The following ATIC variants were observed in gnomAD, a reference collection of about 807,000 sequenced individuals.
ATIC encodes the protein bifunctional purine biosynthesis protein ATIC.
In ATIC, 64 loss-of-function variants were observed where a neutral mutation model predicts 72.5. The ratio of observed to expected loss-of-function variants is 0.88; its 90% CI spans 0.72 to 1.09. ATIC has a LOEUF of 1.09. Among genes scored for constraint, ATIC ranks in the 50% least tolerant of loss-of-function variants. The probability of loss-of-function intolerance (pLI) is 0.00; values close to 1 mark genes in which losing one functional copy is unlikely to be tolerated. For synonymous variants in ATIC, 281 were observed against 267.1 expected (o/e 1.05, Z -0.51); for missense variants, 787 against 732.4 (o/e 1.07, Z -0.86).
At chr2:215,334,710 GT>G (rs2052936302) in intron 9 of ATIC, among the ~76,000 whole-genome samples, 1 of 152,122 alleles carries the variant, frequency 6.6e-6, no homozygotes. Flanking sequence ...CACAGAAAAA[GT>G]TTTCTGAGTG....
chr2:215,319,217 C>A (rs1157290150), intron 3 of ATIC, among the ~76,000 whole-genome samples: 3 of 152,120 alleles, frequency 2.0e-5, no homozygotes, highest in African/African-American at 7.2e-5. Flanking sequence ...TGTTTGATAA[C>A]TCCCCAACTA....
At chr2:215,333,036 A>G (rs1050171167) in intron 8 of ATIC, among the ~76,000 whole-genome samples, 6 of 152,118 alleles carry the variant, frequency 3.9e-5, no homozygotes, top group Non-Finnish European at 8.8e-5. Context: ...TGTGATATCA[A>G]AGTGATATCA....
In ATIC at chr2:215,315,184, G is replaced by T. The variant is rs569123819; in HGVS notation, c.146+2560G>T. The stretch of plus-strand genomic sequence containing the variant: ...CAAGGAGATGAGAGGATTTCTTTAC[G>T]TCCAGCTCCTAGACAGAAAGCCAGT... On this transcript the variant is annotated intron_variant, in intron 2 of 15. Coordinates refer to ENST00000236959, the MANE Select transcript of ATIC (RefSeq NM_004044.7). Among the ~76,000 whole-genome samples, 8 of 152,210 alleles carry T rather than the reference G, an allele frequency of 5.3e-5. No individual in the cohort carries two copies. The South Asian group carries it at 1.7e-3, about 32-fold the overall frequency.
intron 13 of ATIC, 72 bp from the exon 14 acceptor site, chr2:215,346,687 G>C: frequency 6.6e-7 from 1 of 1,525,978 alleles, no homozygotes; most frequent in Non-Finnish European, 9.1e-7. Flanking sequence ...TTTGGAGAAT[G>C]TGCACAAAAG....
At chr2:215,331,373 T>G (rs2052891958) in intron 7 of ATIC, among the ~76,000 whole-genome samples, 1 of 128,492 alleles carries the variant, frequency 7.8e-6, no homozygotes. Flanking sequence ...CACATTTTTG[T>G]TTTTTGGGTT....
At chr2:215,329,212 G>A (rs1437356341) in intron 7 of ATIC, among the ~76,000 whole-genome samples, 2 of 152,082 alleles carry the variant, frequency 1.3e-5, no homozygotes, top group Non-Finnish European at 2.9e-5. Context: ...CCTATTTCCT[G>A]CTTATAGTTT....
intron 13 of ATIC, chr2:215,345,523 A>C: frequency 6.4e-6 from 1 of 156,662 alleles, no homozygotes; most frequent in South Asian, 1.9e-4. Context: ...CGAGCCTCAG[A>C]ATACAAGATG....
At chr2:215,361,995 G>A in the ATIC span, 1 of 1,614,020 alleles carries the variant, frequency 6.2e-7, no homozygotes, top group Non-Finnish European at 8.5e-7. Flanking sequence ...TGGTATCTCT[G>A]AGAATACTGG....
the ATIC span, chr2:215,368,081 A>C: frequency 1.3e-6 from 2 of 1,574,402 alleles, no homozygotes; most frequent in South Asian, 2.2e-5. Flanking sequence ...ATCGATTTGG[A>C]CCATAAGAAG....
intron 7 of ATIC, among the ~76,000 whole-genome samples, chr2:215,328,804 A>G (rs1310985486): frequency 1.4e-5 from 2 of 139,402 alleles, no homozygotes; most frequent in Non-Finnish European, 3.1e-5. Flanking sequence ...TGCAAACTCC[A>G]CCTCCCGGGT....
intron 12 of ATIC, among the ~76,000 whole-genome samples, chr2:215,340,273 G>T (rs1372178252): frequency 1.4e-4 from 22 of 152,126 alleles, no homozygotes; most frequent in Admixed American, 1.4e-3. Context: ...CTACCATCGT[G>T]TCAATTGTGA....
chr2:215,364,554 C>T, the ATIC span: 1 of 417,302 alleles, frequency 2.4e-6, no homozygotes, highest in Non-Finnish European at 4.5e-6. Context: ...GTATCTCTGA[C>T]ATGCTAGGGA....
chr2:215,333,491 A>G (rs2052918556), intron 9 of ATIC, 34 bp downstream of exon 9: 1 of 1,555,600 alleles, frequency 6.4e-7, no homozygotes, highest in African/African-American at 1.4e-5. Context: ...TTTGGGGGAG[A>G]AAGAAAAAGC....
At chr2:215,360,629 G>T in the ATIC span, 42,455 of 152,126 alleles carry the variant, frequency 0.28, 6,309 homozygotes, top group African/African-American at 0.31. Flanking sequence ...AATAAATATT[G>T]GGGTCCACTT....
chr2:215,367,741 C>T, the ATIC span: 1 of 950,830 alleles, frequency 1.1e-6, no homozygotes, highest in Non-Finnish European at 1.7e-6. Flanking sequence ...AAACAGTATT[C>T]TCTTGTTTGC....
intron 11 of ATIC, among the ~76,000 whole-genome samples, chr2:215,337,223 T>G (rs2052965713): frequency 6.6e-6 from 1 of 152,186 alleles, no homozygotes; most frequent in South Asian, 2.1e-4. Flanking sequence ...TTCATAGTAT[T>G]GATATCAGAA....
chr2:215,326,758 A>G, intron 6 of ATIC, 64 bp from the exon 7 acceptor site: 1 of 1,601,328 alleles, frequency 6.2e-7, no homozygotes, highest in South Asian at 1.1e-5. Flanking sequence ...TGGACGTAGA[A>G]AACCATCTTG....
chr2:215,357,404 C>T, the ATIC span, among the ~76,000 whole-genome samples: 1 of 152,328 alleles, frequency 6.6e-6, no homozygotes, highest in Admixed American at 6.5e-5. Flanking sequence ...AGTTTCAATC[C>T]TTTGGGGGCT....
In ATIC at chr2:215,312,119, G is replaced by A. The variant is rs768601017; in HGVS notation, c.-24G>A. On this transcript the variant is annotated 5_prime_UTR_variant, in exon 1 of 16. Coordinates refer to ENST00000236959, the MANE Select transcript of ATIC (RefSeq NM_004044.7). Reference sequence around the variant, plus strand: ...GTGCCGCCGCTGCTGCCTCCCGCTCGCCCTGAACCCAGTGCCTGCAGCCAT... The same window carrying A: ...GTGCCGCCGCTGCTGCCTCCCGCTCACCCTGAACCCAGTGCCTGCAGCCAT... The A allele has an allele frequency of 3.9e-6, 6 of 1,530,120 alleles. No homozygotes were observed. The highest frequency in any genetic ancestry group is 1.2e-5 in the South Asian group (1 of 83,234). The allele number at this position is 1,530,120 out of a possible 1,614,324, so 94.8% of individuals were successfully genotyped here.
Sources: gnomAD v4.1 joint callset for allele counts (sites outside exome capture counted in the v4.1 genomes callset) on GRCh38, gnomAD v4.1.1 for gene constraint, MANE v1.5 for transcripts, NCBI Gene and HGNC (gene_info 2026-07-23, HGNC 2026-07-21) for gene names.